TTC6: variants seen among roughly 807,000 people sequenced by gnomAD.
TTC6 encodes the protein tetratricopeptide repeat domain 6, also known as tetratricopeptide repeat protein 6.
A neutral mutation model predicts 210.4 loss-of-function variants in TTC6; 172 were observed. The observed-to-expected ratio is 0.82, with a 90% CI of 0.72 to 0.93. The LOEUF is 0.93. Ranked by LOEUF, TTC6 falls within the 40% of genes least tolerant of loss-of-function variation. The pLI, the probability that TTC6 is intolerant of heterozygous loss-of-function variation, is 0.00. For synonymous variants in TTC6, 804 were observed against 819.6 expected (o/e 0.98, Z 0.32); for missense variants, 2,414 against 2,318.1 (o/e 1.04, Z -0.85).
chr14:37,780,097 A>G (rs1303763020), intron 14 of TTC6, among the ~76,000 whole-genome samples: 1 of 152,224 alleles, frequency 6.6e-6, no homozygotes, highest in Non-Finnish European at 1.5e-5. Context: ...GAATATTACA[A>G]AAGGTTTATT....
At chr14:37,828,054 T>G (rs1595326646) in intron 29 of TTC6, 1 of 152,118 alleles carries the variant, frequency 6.6e-6, no homozygotes, top group East Asian at 1.9e-4. Context: ...CACCTTAATT[T>G]ATACTTTTTC....
intron 14 of TTC6, among the ~76,000 whole-genome samples, chr14:37,754,484 G>A (rs1214812541): frequency 1.3e-5 from 2 of 151,606 alleles, no homozygotes; most frequent in Non-Finnish European, 2.9e-5. Context: ...CCAGACTGGA[G>A]TGCGATGGCA....
chr14:37,824,618 A>G (rs1333157511), intron 27 of TTC6, among the ~76,000 whole-genome samples: 2 of 152,222 alleles, frequency 1.3e-5, no homozygotes, highest in Non-Finnish European at 2.9e-5. Context: ...AGAGATAGGC[A>G]TCAAACAATT....
At chr14:37,741,645 T>A (rs914329593) in intron 10 of TTC6, among the ~76,000 whole-genome samples, 4 of 152,184 alleles carry the variant, frequency 2.6e-5, no homozygotes, top group Non-Finnish European at 5.9e-5. Flanking sequence ...CCATTTTATG[T>A]CCAACCATAA....
At chr14:37,805,939 A>G (rs1174691140) in intron 21 of TTC6, among the ~76,000 whole-genome samples, 1 of 152,002 alleles carries the variant, frequency 6.6e-6, no homozygotes, top group African/African-American at 2.4e-5. Context: ...TCACCTCATG[A>G]TCCGCCCGCC....
At chr14:37,685,465 G>A (rs1199118729) in intron 3 of TTC6, among the ~76,000 whole-genome samples, 1 of 152,092 alleles carries the variant, frequency 6.6e-6, no homozygotes, top group East Asian at 1.9e-4. Flanking sequence ...CAAAGAGAGG[G>A]GGAATAAAAA....
At chr14:37,718,259 A>G (rs982280226) in intron 6 of TTC6, among the ~76,000 whole-genome samples, 1 of 152,238 alleles carries the variant, frequency 6.6e-6, no homozygotes, top group African/African-American at 2.4e-5. Flanking sequence ...AGGCTTTCTC[A>G]GTATTGGAAA....
chr14:37,732,754 A>T (rs1015836814), intron 7 of TTC6, among the ~76,000 whole-genome samples: 4 of 150,720 alleles, frequency 2.7e-5, no homozygotes, highest in Non-Finnish European at 5.9e-5. Flanking sequence ...AGTAGCTGGG[A>T]CTACAGGCGC....
upstream of TTC6, among the ~76,000 whole-genome samples, chr14:37,620,136 G>T (rs954656509): frequency 6.6e-6 from 1 of 152,056 alleles, no homozygotes; most frequent in African/African-American, 2.4e-5. Flanking sequence ...AAGGACAGGG[G>T]CTCTGTTGCC....
intron 1 of TTC6, among the ~76,000 whole-genome samples, chr14:37,623,609 G>T (rs1452280450): frequency 6.6e-6 from 1 of 152,122 alleles, no homozygotes; most frequent in African/African-American, 2.4e-5. Flanking sequence ...ACCCTATCAG[G>T]TCAATAGATA....
intron 1 of TTC6, among the ~76,000 whole-genome samples, chr14:37,674,684 A>G (rs938926790): frequency 6.6e-6 from 1 of 152,118 alleles, no homozygotes; most frequent in Non-Finnish European, 1.5e-5. Context: ...TGAGAGTACC[A>G]TGAAGATCAT....
At chr14:37,837,250 T>C in intron 29 of TTC6, 1 of 328,380 alleles carries the variant, frequency 3.0e-6, no homozygotes, top group Non-Finnish European at 6.0e-6. Flanking sequence ...AAGGTATGCC[T>C]TGTGATGTAT....
intron 10 of TTC6, among the ~76,000 whole-genome samples, chr14:37,741,419 G>A (rs1464796911): frequency 1.1e-5 from 1 of 86,992 alleles, no homozygotes; most frequent in East Asian, 1.0e-3. Flanking sequence ...CTCCCAAGTA[G>A]CTGGGAGTAC....
chr14:37,793,868 G>A (rs758881237), intron 17 of TTC6, among the ~76,000 whole-genome samples: 1 of 152,098 alleles, frequency 6.6e-6, no homozygotes, highest in South Asian at 2.1e-4. Flanking sequence ...TGACTTGGAA[G>A]GTTTTCCATG....
chr14:37,680,563 G>T (rs1323400278), intron 2 of TTC6, among the ~76,000 whole-genome samples: 1 of 152,116 alleles, frequency 6.6e-6, no homozygotes, highest in African/African-American at 2.4e-5. Flanking sequence ...ATTAAAAATT[G>T]TTAGCTTCTA....
At chr14:37,641,653 A>G (rs541638542) in intron 1 of TTC6, among the ~76,000 whole-genome samples, 1 of 152,326 alleles carries the variant, frequency 6.6e-6, no homozygotes, top group African/African-American at 2.4e-5. Context: ...AAAGCTTTAA[A>G]TTTTTAGTTT....
chr14:37,807,983 T>C (rs1383871142), intron 23 of TTC6, among the ~76,000 whole-genome samples: 2 of 152,122 alleles, frequency 1.3e-5, no homozygotes, highest in Non-Finnish European at 2.9e-5. Flanking sequence ...TTTTTGATTG[T>C]TTTTAAAATT....
chr14:37,630,228 T>C (rs2095667036), intron 1 of TTC6, among the ~76,000 whole-genome samples: 1 of 152,226 alleles, frequency 6.6e-6, no homozygotes, highest in African/African-American at 2.4e-5. Context: ...GTGCTATAAA[T>C]TTCCCTGTAA....
intron 29 of TTC6, among the ~76,000 whole-genome samples, chr14:37,831,037 C>G (rs1162167741): frequency 1.3e-5 from 2 of 152,174 alleles, no homozygotes; most frequent in South Asian, 4.1e-4. Context: ...TTCCATATAA[C>G]TGTATTTTTG....
Sources: gnomAD v4.1 joint callset for allele counts (sites outside exome capture counted in the v4.1 genomes callset) on GRCh38, gnomAD v4.1.1 for gene constraint, MANE v1.5 for transcripts, NCBI Gene and HGNC (gene_info 2026-07-23, HGNC 2026-07-21) for gene names.